The following MGAT5B variants were observed in gnomAD, a reference collection of about 807,000 sequenced individuals.
MGAT5B encodes the protein N-acetylglucosaminyl-transferase Vb.
MGAT5B carries 54 observed loss-of-function variants against 95.1 expected under a neutral mutation model. The ratio of observed to expected loss-of-function variants is 0.57; its 90% CI spans 0.46 to 0.71. The LOEUF (loss-of-function observed/expected upper bound fraction) is 0.71, where lower values mean the gene tolerates loss of function less well. Ranked by LOEUF, MGAT5B falls within the 30% of genes least tolerant of loss-of-function variation. The pLI, the probability that MGAT5B is intolerant of heterozygous loss-of-function variation, is 0.00. For missense variants in MGAT5B, 935 were observed against 1,088.6 expected (o/e 0.86, Z 1.99); for synonymous variants, 464 against 451.0 (o/e 1.03, Z -0.36).
rs1006223456 is a variant in MGAT5B at position 76,869,636 on chromosome 17, A to G, written c.68+539A>G. 1.3e-5 allele frequency among the ~76,000 whole-genome samples: 2 copies of G among 152,100 alleles called. No homozygotes were observed. Among genetic ancestry groups the G allele is most frequent in the Admixed American group, 6.5e-5 (1 of 15,282 alleles). ...GGGGCTCGGGCCTGGCTCCGACGAG[A>G]GGGTCCCGAGATTAGAGCGAGGACT... On this transcript the variant is annotated intron_variant, in intron 1 of 17. Coordinates refer to ENST00000569840, the MANE Select transcript of MGAT5B (RefSeq NM_001199172.2). The surrounding 1 kb of genome is among the most constrained non-coding windows in gnomAD (Gnocchi z 7.0).
chr17:76,902,407 C>T (rs775904056), intron 3 of MGAT5B, 148 bp from the exon 4 acceptor site: 1 of 606,336 alleles, frequency 1.6e-6, no homozygotes, highest in Non-Finnish European at 3.0e-6. Context: ...GATTCACTCC[C>T]CACCATTTGG....
chr17:76,897,137 G>A (rs928277945), intron 3 of MGAT5B, among the ~76,000 whole-genome samples: 2 of 152,074 alleles, frequency 1.3e-5, no homozygotes, highest in Non-Finnish European at 2.9e-5. Flanking sequence ...GGCTGGTCTC[G>A]AACTCCTGGG....
chr17:76,934,337 C>T (rs1969588512), intron 12 of MGAT5B, among the ~76,000 whole-genome samples: 2 of 152,182 alleles, frequency 1.3e-5, no homozygotes, highest in Admixed American at 6.5e-5. Context: ...AGCTAGTAAG[C>T]GCCGAGCTGA....
At chr17:76,913,678 A>G (rs772591733) in intron 8 of MGAT5B, 1 of 511,030 alleles carries the variant, frequency 2.0e-6, no homozygotes, top group African/African-American at 1.9e-5. Context: ...GGCAAAGGAG[A>G]CTGAGGAGTA....
At position 76,915,727 on chromosome 17, in the gene MGAT5B, G is replaced by A. The variant is rs368891035; in HGVS notation, c.1026-9239G>A. On this transcript the variant is annotated intron_variant, in intron 8 of 17. Coordinates refer to ENST00000569840, the MANE Select transcript of MGAT5B (RefSeq NM_001199172.2). The surrounding 1 kb of genome is among the most constrained non-coding windows in gnomAD (Gnocchi z 8.7). ...GCAGCTCTCCTGCATCACCCTCCCC[G>A]TTCCAAGAGGAGGCACGAGAGGCCG... Among the ~76,000 whole-genome samples, 25 of 152,304 alleles carry A rather than the reference G, an allele frequency of 1.6e-4. No individual in the cohort carries two copies. Among genetic ancestry groups the A allele is most frequent in the South Asian group, 4.2e-4 (2 of 4,816 alleles).
At chr17:76,925,137 C>T in intron 9 of MGAT5B, 40 bp downstream of exon 9, 1 of 1,608,246 alleles carries the variant, frequency 6.2e-7, no homozygotes, top group South Asian at 1.1e-5. Flanking sequence ...GGCCCACATG[C>T]CAGGGGAGAA....
intron 3 of MGAT5B, among the ~76,000 whole-genome samples, chr17:76,902,108 G>A (rs488972): frequency 0.13 from 19,753 of 151,600 alleles, 1,655 homozygotes; most frequent in African/African-American, 0.2. Flanking sequence ...TTGTGGGCAC[G>A]TGTGCATATG....
intron 1 of MGAT5B, chr17:76,872,558 A>G: frequency 9.3e-7 from 1 of 1,080,652 alleles, no homozygotes; most frequent in Non-Finnish European, 1.3e-6. Context: ...GCAGCTGTTA[A>G]TGAACCAGCT....
intron 3 of MGAT5B, among the ~76,000 whole-genome samples, chr17:76,888,298 G>A (rs1340941041): frequency 6.6e-6 from 1 of 152,024 alleles, no homozygotes; most frequent in South Asian, 2.1e-4. Flanking sequence ...ATGCTGGGGT[G>A]GGGGCTCCAT....
In MGAT5B at chr17:76,940,036, C is replaced by A. The variant is rs748957722; in HGVS notation, c.1585-366C>A. Among the ~76,000 whole-genome samples, 1 of 152,158 alleles carries A rather than the reference C, an allele frequency of 6.6e-6. No individual in the cohort carries two copies. The highest frequency in any genetic ancestry group is 1.5e-5 in the Non-Finnish European group (1 of 68,020). Reference sequence around the variant, plus strand: ...GAGTGAGGTTCCTGGAGGTCTCTTGCAGGTGCGGGCCTGCAGCTTTCTTGG... The same window carrying A: ...GAGTGAGGTTCCTGGAGGTCTCTTGAAGGTGCGGGCCTGCAGCTTTCTTGG... On this transcript the variant is annotated intron_variant, in intron 13 of 17. Transcript: ENST00000569840. This position sits in a 1 kb window ranked among gnomAD's most constrained non-coding sequence, Gnocchi z 4.3.
In MGAT5B at chr17:76,916,837, G is replaced by A. The variant is rs1371139508; in HGVS notation, c.1026-8129G>A. Reference sequence around the variant, plus strand: ...TTGTCAGATGGTGGCTGGAGAGGAGGAAGGTGGCAGTGGACGAGCTTCAGG... The same window carrying A: ...TTGTCAGATGGTGGCTGGAGAGGAGAAAGGTGGCAGTGGACGAGCTTCAGG... On this transcript the variant is annotated intron_variant, in intron 8 of 17. Coordinates refer to ENST00000569840, the MANE Select transcript of MGAT5B (RefSeq NM_001199172.2). The surrounding 1 kb of genome is among the most constrained non-coding windows in gnomAD (Gnocchi z 5.3). Among the ~76,000 whole-genome samples the A allele has an allele frequency of 6.6e-6, 1 of 152,160 alleles. No individual in the cohort carries two copies. Among genetic ancestry groups the A allele is most frequent in the Non-Finnish European group, 1.5e-5 (1 of 68,022 alleles).
chr17:76,904,211 G>T, intron 5 of MGAT5B, 41 bp from the exon 6 acceptor site: 2 of 1,564,366 alleles, frequency 1.3e-6, no homozygotes, highest in South Asian at 1.2e-5. Flanking sequence ...AGGGTCAGTG[G>T]GGCTGGCGCA....
chr17:76,947,445 G>T (rs779665558), intron 16 of MGAT5B, among the ~76,000 whole-genome samples: 5 of 152,132 alleles, frequency 3.3e-5, no homozygotes, highest in African/African-American at 4.8e-5. Context: ...TGCAGGGAGA[G>T]CCTCACAGCC....
intron 3 of MGAT5B, among the ~76,000 whole-genome samples, chr17:76,898,688 T>A (rs1391269123): frequency 6.6e-6 from 1 of 152,028 alleles, no homozygotes; most frequent in African/African-American, 2.4e-5. Flanking sequence ...TAGCTTAGTA[T>A]TTTTTTTATG....
chr17:76,888,905 G>A (rs1967766337), intron 3 of MGAT5B, among the ~76,000 whole-genome samples: 1 of 152,232 alleles, frequency 6.6e-6, no homozygotes, highest in Non-Finnish European at 1.5e-5. Flanking sequence ...AGGGAACAGA[G>A]CATCTGGGTC....
At chr17:76,882,736 A>G (rs2145136708) in intron 3 of MGAT5B, among the ~76,000 whole-genome samples, 1 of 121,922 alleles carries the variant, frequency 8.2e-6, no homozygotes. Flanking sequence ...TTTGACACAG[A>G]GCCTGGTTGA....
chr17:76,923,504 G>A (rs557014187), intron 8 of MGAT5B, among the ~76,000 whole-genome samples: 2 of 152,292 alleles, frequency 1.3e-5, no homozygotes, highest in Admixed American at 1.3e-4. Flanking sequence ...AGCCCCATGA[G>A]GTGATGCACC....
chr17:76,929,117 C>T (rs138944801), intron 10 of MGAT5B, among the ~76,000 whole-genome samples: 2,196 of 152,280 alleles, frequency 0.014, 60 homozygotes, highest in African/African-American at 0.049. Flanking sequence ...CCACCTGCCT[C>T]GGTCTCCCAA....
chr17:76,903,456 G>A (rs1968397337), intron 5 of MGAT5B, 80 bp downstream of exon 5: 2 of 1,138,530 alleles, frequency 1.8e-6, no homozygotes, highest in Non-Finnish European at 2.5e-6. Context: ...CCAGGCACAA[G>A]CTGGCAGAGG....
Sources: allele counts gnomAD v4.1 joint callset (sites outside exome capture counted in the v4.1 genomes callset), GRCh38; gene constraint gnomAD v4.1.1; non-coding constraint Gnocchi (gnomAD v3.1); transcripts MANE v1.5; gene names NCBI Gene and HGNC (gene_info 2026-07-23, HGNC 2026-07-21).